Variants in XYLT1 observed in about 807,000 individuals in gnomAD.
The protein encoded by XYLT1 is xylosyltransferase 1.
In XYLT1, 36 loss-of-function variants were observed where a neutral mutation model predicts 91.3. That is an observed-to-expected ratio of 0.39 (90% CI 0.30 to 0.52). The LOEUF (loss-of-function observed/expected upper bound fraction) is 0.52. Among genes scored for constraint, XYLT1 ranks in the 20% least tolerant of loss-of-function variants. The pLI is 0.68. For synonymous variants in XYLT1, 588 were observed against 532.0 expected, an observed-to-expected ratio of 1.11 and a Z score of -1.45; for missense variants, 1,242 against 1,284.5, an observed-to-expected ratio of 0.97 and a Z score of 0.51.
Position 17,288,450 on chromosome 16 carries a change from T to C in XYLT1, c.403-28952A>G, listed in dbSNP as rs75547655. 9.3e-3 allele frequency among the ~76,000 whole-genome samples: 1,415 copies of C among 152,236 alleles called. 28 individuals are homozygous for C. The highest frequency in any genetic ancestry group is 0.032 in the African/African-American group (1,340 of 41,520). On this transcript the variant is annotated intron_variant, in intron 2 of 11. Transcript: ENST00000261381. ...CAGGGATTGTGTGTGATTCTTTTGT[T>C]CTTCTTGGGGCTTGTCTTATTATGC...
chr16:17,161,027 A>G (rs1454018923), intron 5 of XYLT1, among the ~76,000 whole-genome samples: 1 of 152,080 alleles, frequency 6.6e-6, no homozygotes, highest in East Asian at 1.9e-4. Context: ...ATAATAAATA[A>G]GGTCTCTCAG....
intron 2 of XYLT1, among the ~76,000 whole-genome samples, chr16:17,272,829 T>C (rs1175479190): frequency 6.6e-6 from 1 of 152,238 alleles, no homozygotes; most frequent in African/African-American, 2.4e-5. Context: ...GGAGGCCTTC[T>C]ACCTCCTGAG....
rs2034564823 is a variant in XYLT1 at position 17,312,402 on chromosome 16, G to A, written c.402+45610C>T. 1.3e-5 allele frequency among the ~76,000 whole-genome samples: 2 copies of A among 152,134 alleles called. No homozygotes were observed. Among genetic ancestry groups the A allele is most frequent in the South Asian group, 4.1e-4 (2 of 4,826 alleles). On this transcript the variant is annotated intron_variant, in intron 2 of 11. Transcript: ENST00000261381. This position sits in a 1 kb window ranked among gnomAD's most constrained non-coding sequence, Gnocchi z 4.4. ...GATCATCAGGGCTGGCATTCCTGTA[G>A]CGCTTACCATGTATGGGGTCTTGTC...
chr16:17,175,820 G>C (rs62030852), intron 5 of XYLT1, among the ~76,000 whole-genome samples: 192 of 152,324 alleles, frequency 1.3e-3, no homozygotes, highest in Non-Finnish European at 2.3e-3. Context: ...TCCACTTTAT[G>C]TGGAGAAGCA....
chr16:17,232,753 G>A (rs972773699), intron 3 of XYLT1, among the ~76,000 whole-genome samples: 1 of 151,918 alleles, frequency 6.6e-6, no homozygotes, highest in Non-Finnish European at 1.5e-5. Flanking sequence ...GTTGGCAATG[G>A]TGGTAGTGAT....
chr16:17,470,258 C>G (rs1299642758), intron 1 of XYLT1, among the ~76,000 whole-genome samples, 176 bp downstream of exon 1: 1 of 152,216 alleles, frequency 6.6e-6, no homozygotes, highest in Non-Finnish European at 1.5e-5. Flanking sequence ...GGGCAGCCCA[C>G]GACCCCTGAG....
At chr16:17,299,398 A>G (rs2034361006) in intron 2 of XYLT1, among the ~76,000 whole-genome samples, 1 of 152,104 alleles carries the variant, frequency 6.6e-6, no homozygotes, top group African/African-American at 2.4e-5. Flanking sequence ...ACAAAATACC[A>G]TGCAGCCCTC....
At chr16:17,186,533 G>C (rs112057180) in intron 5 of XYLT1, among the ~76,000 whole-genome samples, 7 of 147,062 alleles carry the variant, frequency 4.8e-5, no homozygotes, top group African/African-American at 1.8e-4. Flanking sequence ...TTGAACTCCT[G>C]GGATCAAGTG....
chr16:17,253,346 G>A (rs2033574744), intron 3 of XYLT1, among the ~76,000 whole-genome samples: 1 of 152,090 alleles, frequency 6.6e-6, no homozygotes, highest in Non-Finnish European at 1.5e-5. Flanking sequence ...TTATTAACCA[G>A]CTCACAGGTC....
intron 8 of XYLT1, chr16:17,137,474 T>TAACC (rs2030780619): frequency 6.6e-6 from 1 of 152,252 alleles, no homozygotes; most frequent in Admixed American, 6.5e-5. Flanking sequence ...GTGATTCGCT[T>TAACC]AACCATTCAG....
intron 1 of XYLT1, among the ~76,000 whole-genome samples, chr16:17,404,075 G>C (rs779501023): frequency 8.8e-5 from 13 of 148,092 alleles, no homozygotes; most frequent in Non-Finnish European, 1.2e-4. Context: ...GTGCATAACT[G>C]TATGTGTGTG....
At chr16:17,372,498 C>T (rs1397309907) in intron 1 of XYLT1, among the ~76,000 whole-genome samples, 1 of 152,216 alleles carries the variant, frequency 6.6e-6, no homozygotes, top group Non-Finnish European at 1.5e-5. Flanking sequence ...TAGCTTCCAT[C>T]AGTGTGAGGA....
chr16:17,157,364 A>G (rs1215422718), intron 6 of XYLT1, among the ~76,000 whole-genome samples: 2 of 151,266 alleles, frequency 1.3e-5, no homozygotes, highest in Admixed American at 6.7e-5. Context: ...TCCCACCAAC[A>G]ACAGCAGTGA....
chr16:17,129,778 C>T (rs1245034634), intron 9 of XYLT1, among the ~76,000 whole-genome samples: 4 of 152,194 alleles, frequency 2.6e-5, no homozygotes, highest in Non-Finnish European at 2.9e-5. Context: ...GAAGTAGCCA[C>T]TTGTGGCTAC....
At chr16:17,435,172 C>G (rs1401360290) in intron 1 of XYLT1, among the ~76,000 whole-genome samples, 1 of 152,216 alleles carries the variant, frequency 6.6e-6, no homozygotes, top group Non-Finnish European at 1.5e-5. Flanking sequence ...AGGGGTTACA[C>G]CAGGCTGAAG....
At chr16:17,323,185 C>A (rs1170549291) in intron 2 of XYLT1, among the ~76,000 whole-genome samples, 1 of 152,208 alleles carries the variant, frequency 6.6e-6, no homozygotes, top group African/African-American at 2.4e-5. Flanking sequence ...TGGTTGAGTT[C>A]TAATTGATTT....
At chr16:17,136,617 T>C (rs2030731111) in intron 8 of XYLT1, among the ~76,000 whole-genome samples, 3 of 152,314 alleles carry the variant, frequency 2.0e-5, no homozygotes, top group Non-Finnish European at 2.9e-5. Flanking sequence ...CAGGAACCCA[T>C]CTAGGGGCAG....
intron 2 of XYLT1, among the ~76,000 whole-genome samples, chr16:17,296,341 C>T (rs1368206540): frequency 6.6e-6 from 1 of 152,146 alleles, no homozygotes; most frequent in Non-Finnish European, 1.5e-5. Flanking sequence ...AGAGATGGGG[C>T]TGGGGCTTCG....
chr16:17,459,494 G>A (rs536327192), intron 1 of XYLT1, among the ~76,000 whole-genome samples: 11 of 152,270 alleles, frequency 7.2e-5, no homozygotes, highest in Admixed American at 3.3e-4. Context: ...GGTGCATCAC[G>A]ATTGGTGTCT....
Sources: gnomAD v4.1 joint callset for allele counts (sites outside exome capture counted in the v4.1 genomes callset) on GRCh38, gnomAD v4.1.1 for gene constraint, Gnocchi (gnomAD v3.1) non-coding constraint, MANE v1.5 for transcripts, NCBI Gene and HGNC (gene_info 2026-07-23, HGNC 2026-07-21) for gene names.